The following SMG6 variants were observed in gnomAD, a reference collection of about 807,000 sequenced individuals.
SMG6 encodes telomerase-binding protein EST1A.
Under a neutral mutation model 142.2 loss-of-function variants are expected in SMG6, and 66 were observed. The ratio of observed to expected loss-of-function variants is 0.46; its 90% CI spans 0.38 to 0.57. The LOEUF is 0.57. SMG6 is among the 20% of genes least tolerant of loss of function. The pLI, the probability that SMG6 is intolerant of heterozygous loss-of-function variation, is 0.00. For synonymous variants in SMG6, 779 were observed against 702.4 expected (o/e 1.11, Z -1.72); for missense variants, 1,793 against 1,832.0 (o/e 0.98, Z 0.39).
chr17:2,184,611 C>T (rs529049310), intron 12 of SMG6, among the ~76,000 whole-genome samples: 1 of 136,790 alleles, frequency 7.3e-6, no homozygotes, highest in South Asian at 2.5e-4. Context: ...GAGCTGAGGT[C>T]GCGCCATTAT....
chr17:2,276,572 G>A (rs1168407866), intron 8 of SMG6, among the ~76,000 whole-genome samples: 2 of 151,862 alleles, frequency 1.3e-5, no homozygotes, highest in African/African-American at 4.8e-5. Context: ...TTTTAGTAGA[G>A]ACAGGGTTTC....
chr17:2,108,576 A>T (rs1222568326), intron 13 of SMG6, among the ~76,000 whole-genome samples: 2 of 152,152 alleles, frequency 1.3e-5, no homozygotes, highest in African/African-American at 4.8e-5. Context: ...GGTTGTAGTG[A>T]GCCGAGATTG....
At chr17:2,258,122 C>G (rs2074234700) in intron 8 of SMG6, among the ~76,000 whole-genome samples, 1 of 151,020 alleles carries the variant, frequency 6.6e-6, no homozygotes, top group Non-Finnish European at 1.5e-5. Context: ...ATGTGTAGCA[C>G]ACTACTCTAA....
intron 13 of SMG6, among the ~76,000 whole-genome samples, chr17:2,114,969 TG>T (rs2069460111): frequency 8.6e-5 from 6 of 70,136 alleles, no homozygotes; most frequent in Non-Finnish European, 1.5e-4. Context: ...TGAAATGAAA[TG>T]AAATAAAATA....
chr17:2,093,172 T>TGACA (rs2068768891), intron 13 of SMG6, among the ~76,000 whole-genome samples: 1 of 148,212 alleles, frequency 6.7e-6, no homozygotes, highest in African/African-American at 2.5e-5. Context: ...CCAGCCTGGG[T>TGACA]GACAGAGCAA....
At chr17:2,298,079 C>G (rs2075183263) in intron 2 of SMG6, 24 bp from the exon 3 acceptor site, 5 of 1,577,392 alleles carry the variant, frequency 3.2e-6, no homozygotes, top group African/African-American at 2.7e-5. Flanking sequence ...CATGCAACTT[C>G]CAGCTCCAAA....
chr17:2,187,543 CTG>C (rs1427892062), intron 11 of SMG6, among the ~76,000 whole-genome samples: 1 of 152,126 alleles, frequency 6.6e-6, no homozygotes, highest in East Asian at 1.9e-4. Context: ...GCCCGCAACT[CTG>C]TAACTTAAAA....
chr17:2,303,531 C>A (rs2151424635), intron 1 of SMG6, 102 bp downstream of exon 1: 2 of 1,337,728 alleles, frequency 1.5e-6, no homozygotes. Context: ...GGGGAAGGGG[C>A]GGGGGCTCCG....
intron 9 of SMG6, among the ~76,000 whole-genome samples, chr17:2,243,259 A>C: frequency 6.6e-6 from 1 of 152,250 alleles, no homozygotes; most frequent in East Asian, 1.9e-4. Flanking sequence ...ATGAATATGT[A>C]ATAAGCACAC....
intron 10 of SMG6, among the ~76,000 whole-genome samples, chr17:2,203,693 G>A (rs2072597686): frequency 6.6e-6 from 1 of 152,148 alleles, no homozygotes; most frequent in Admixed American, 6.6e-5. Flanking sequence ...AAGTTTTCCT[G>A]TTAACAGTCA....
chr17:2,250,885 C>CA (rs2074031635), intron 8 of SMG6, among the ~76,000 whole-genome samples: 2 of 152,192 alleles, frequency 1.3e-5, no homozygotes, highest in Admixed American at 1.3e-4. Context: ...GATGTGGGCG[C>CA]ACTGGTGATG....
intron 10 of SMG6, among the ~76,000 whole-genome samples, chr17:2,209,112 C>T (rs1285138490): frequency 6.6e-6 from 1 of 150,822 alleles, no homozygotes; most frequent in East Asian, 1.9e-4. Flanking sequence ...TGCAGTGAGC[C>T]GAGATCACAC....
rs754924724 is a variant in SMG6, at chr17:2,236,572, C to A, written c.2789G>T (p.Ser930Ile). The change falls in exon 10 of 19, where the codon AGC (serine) becomes ATC (isoleucine). Residue 930 changes from serine to isoleucine, a missense_variant. Ser to Ile is a moderately radical substitution (Grantham distance 142, BLOSUM62 -2). Coordinates refer to ENST00000263073, the MANE Select transcript of SMG6 (RefSeq NM_017575.5). ...LKEFQVLLQH[S>I]PSPIGSTRML... is the part of the protein sequence containing the mutation. ...GCGGGTACTTCCAATGGGAGAGGGG[C>A]TGTGCTGCAGTAACACCTGGAACTC... is the stretch of plus-strand genomic sequence containing the variant. 4.3e-6 allele frequency: 7 copies of A among 1,613,642 alleles called. No individual in the cohort carries two copies. The highest frequency in any genetic ancestry group is 5.9e-6 in the Non-Finnish European group (7 of 1,179,902).
intron 13 of SMG6, among the ~76,000 whole-genome samples, chr17:2,121,345 TAAC>T (rs2069681724): frequency 6.6e-6 from 1 of 152,174 alleles, no homozygotes; most frequent in Non-Finnish European, 1.5e-5. Context: ...CTAATATATG[TAAC>T]AACACAGAGG....
At chr17:2,221,226 C>T (rs1271449197) in intron 10 of SMG6, among the ~76,000 whole-genome samples, 1 of 152,104 alleles carries the variant, frequency 6.6e-6, no homozygotes, top group African/African-American at 2.4e-5. Flanking sequence ...GGAGGTGGGG[C>T]CTGGTAGGAG....
intron 13 of SMG6, among the ~76,000 whole-genome samples, chr17:2,099,320 C>T (rs1005928683): frequency 2.6e-5 from 4 of 152,032 alleles, no homozygotes; most frequent in Non-Finnish European, 4.4e-5. Flanking sequence ...GGAATAGGGA[C>T]TCCTCTTTGA....
At position 2,139,618 on chromosome 17, in the gene SMG6, G is replaced by A. The variant is rs936712785; in HGVS notation, c.3357+33040C>T. 3.3e-5 allele frequency among the ~76,000 whole-genome samples: 5 copies of A among 151,142 alleles called. No individual in the cohort carries two copies. In the South Asian group the frequency reaches 6.3e-4, roughly 19 times the overall value. On this transcript the variant is annotated intron_variant, in intron 13 of 18. Coordinates refer to ENST00000263073, the MANE Select transcript of SMG6 (RefSeq NM_017575.5). ...GTATTTTTAGTAGAGACGGGGTTTC[G>A]CCATGTTGGCCAGGCTGGTCTTGAA...
Position 2,299,071 on chromosome 17 carries a change from G to A in SMG6, c.1682C>T (p.Thr561Ile). The change falls in exon 2 of 19, where the codon ACC becomes ATC. Residue 561 changes from threonine (T) to isoleucine (I), a missense_variant. Thr to Ile is a moderately conservative substitution (Grantham distance 89, BLOSUM62 -1). Coordinates refer to ENST00000263073, the MANE Select transcript of SMG6 (RefSeq NM_017575.5). This position sits in a 1 kb window ranked among gnomAD's most constrained non-coding sequence, Gnocchi z 4.3. ...TACCTCCTCGGGACTCATGGTGCTG[G>A]TAGGTAGAGGGCTACACACATACTG... ...SGQYVCSPLP[T>I]STMSPEEVEQ... is the part of the protein sequence containing the mutation. 2.5e-6 allele frequency: 4 copies of A among 1,614,180 alleles called. No individual in the cohort carries two copies. Among genetic ancestry groups the A allele is most frequent in the Non-Finnish European group, 3.4e-6 (4 of 1,180,036 alleles).
intron 1 of SMG6, chr17:2,303,134 T>C (rs1597250394): frequency 4.1e-6 from 4 of 985,258 alleles, no homozygotes; most frequent in South Asian, 9.4e-5. Flanking sequence ...ATCCCTCCAG[T>C]GGCGCAGCTT....
Sources: gnomAD v4.1 joint callset for allele counts (sites outside exome capture counted in the v4.1 genomes callset) on GRCh38, gnomAD v4.1.1 for gene constraint, Gnocchi (gnomAD v3.1) non-coding constraint, MANE v1.5 for transcripts, NCBI Gene and HGNC (gene_info 2026-07-23, HGNC 2026-07-21) for gene names.